The following PTCHD4 variants were observed in gnomAD, a reference collection of about 807,000 sequenced individuals.
PTCHD4 encodes the protein patched domain-containing protein 4.
PTCHD4 carries 33 observed loss-of-function variants against 58.1 expected under a neutral mutation model. That is an observed-to-expected ratio of 0.57 (90% CI 0.43 to 0.76). PTCHD4 has a LOEUF of 0.76. Ranked by LOEUF, PTCHD4 falls within the 30% of genes least tolerant of loss-of-function variation. PTCHD4 has a pLI of 0.00. For missense variants in PTCHD4, 1,058 were observed against 1,027.1 expected (o/e 1.03, Z -0.41); for synonymous variants, 478 against 409.6 (o/e 1.17, Z -2.02).
At chr6:47,985,438 A>G (rs896122988) in intron 4 of PTCHD4, among the ~76,000 whole-genome samples, 2 of 152,156 alleles carry the variant, frequency 1.3e-5, no homozygotes, top group Non-Finnish European at 2.9e-5. Flanking sequence ...ATAGACAGCA[A>G]GAAAGTGTAT....
At chr6:47,942,543 C>G (rs895263105) in intron 4 of PTCHD4, among the ~76,000 whole-genome samples, 2 of 152,074 alleles carry the variant, frequency 1.3e-5, no homozygotes, top group Non-Finnish European at 2.9e-5. Context: ...TTGCCAAGGT[C>G]GCCCTGTTAG....
intron 1 of PTCHD4, among the ~76,000 whole-genome samples, chr6:48,105,598 T>A (rs1765700956): frequency 6.6e-6 from 1 of 151,662 alleles, no homozygotes; most frequent in South Asian, 2.1e-4. Context: ...ATAACTAAGA[T>A]CAGAGCAGAA....
At chr6:47,954,916 C>T (rs780683904) in intron 4 of PTCHD4, among the ~76,000 whole-genome samples, 5 of 152,214 alleles carry the variant, frequency 3.3e-5, no homozygotes, top group Admixed American at 6.5e-5. Flanking sequence ...AGCTTGCTCT[C>T]GGACCAGCCA....
intron 4 of PTCHD4, among the ~76,000 whole-genome samples, chr6:47,928,093 G>A (rs187434225): frequency 8.3e-4 from 126 of 152,270 alleles, no homozygotes; most frequent in African/African-American, 2.7e-3. Context: ...CATGTGAGGC[G>A]TGGAGGGATT....
chr6:48,005,061 C>T (rs1338833339), intron 4 of PTCHD4, among the ~76,000 whole-genome samples: 1 of 151,942 alleles, frequency 6.6e-6, no homozygotes, highest in Non-Finnish European at 1.5e-5. Flanking sequence ...ATGAGAACAC[C>T]AGGACAAAGT....
intron 3 of PTCHD4, among the ~76,000 whole-genome samples, chr6:48,010,281 G>C (rs1455749638): frequency 1.3e-5 from 2 of 152,146 alleles, no homozygotes. Context: ...GATATAAAGG[G>C]GTAAAATCAG....
intron 4 of PTCHD4, among the ~76,000 whole-genome samples, chr6:47,969,620 A>G (rs1767425019): frequency 1.3e-5 from 2 of 152,178 alleles, no homozygotes; most frequent in African/African-American, 4.8e-5. Context: ...TCTTTAAAAA[A>G]TGACCCCCCC....
chr6:48,086,379 G>GTA (rs1765264585), intron 1 of PTCHD4, among the ~76,000 whole-genome samples: 1 of 151,984 alleles, frequency 6.6e-6, no homozygotes. Flanking sequence ...ACAGGCAGCA[G>GTA]TCTGAATCTG....
At chr6:48,039,224 C>G (rs1404525842) in intron 3 of PTCHD4, among the ~76,000 whole-genome samples, 1 of 151,944 alleles carries the variant, frequency 6.6e-6, no homozygotes, top group Non-Finnish European at 1.5e-5. Flanking sequence ...AGGAAAGGAA[C>G]CAATAAGGCT....
In PTCHD4 at chr6:48,069,890, A is replaced by G. The variant is rs1764942111; in HGVS notation, c.-933T>C. Among the ~76,000 whole-genome samples the G allele has an allele frequency of 6.6e-6, 1 of 152,152 alleles. No homozygotes were observed. The highest frequency in any genetic ancestry group is 2.1e-4 in the South Asian group (1 of 4,826). On this transcript the variant is annotated 5_prime_UTR_variant, in exon 2 of 5. Coordinates refer to ENST00000339488, the MANE Select transcript of PTCHD4 (RefSeq NM_001384253.1). ...AATTTTCCCCTGTGAGTGGAATTCC[A>G]GAAACAGACACTTCCAGACACACCA...
intron 4 of PTCHD4, among the ~76,000 whole-genome samples, chr6:48,000,285 C>T (rs997221360): frequency 6.6e-6 from 1 of 152,056 alleles, no homozygotes; most frequent in Non-Finnish European, 1.5e-5. Context: ...TCTAGCTGAC[C>T]CTGACCCGCA....
intron 3 of PTCHD4, among the ~76,000 whole-genome samples, chr6:48,009,697 T>C (rs922793283): frequency 6.6e-6 from 1 of 152,242 alleles, no homozygotes. Flanking sequence ...TTACAACTAA[T>C]TTAATGGCAT....
rs1187691091 is a variant in PTCHD4, at chr6:47,938,659, G to A, written c.899-58723C>T. Among the ~76,000 whole-genome samples, 5 of 152,192 alleles carry A rather than the reference G, an allele frequency of 3.3e-5. No homozygotes were observed. The East Asian group carries it at 9.6e-4, about 29-fold the overall frequency. On this transcript the variant is annotated intron_variant, in intron 4 of 4. Coordinates refer to ENST00000339488, the MANE Select transcript of PTCHD4 (RefSeq NM_001384253.1). ...GCATCAGGGAAAATTCAGGTATGTGGTAATGAATTTATAGTGAGAATAGTG... is the reference window on the plus strand; with the variant it reads ...GCATCAGGGAAAATTCAGGTATGTGATAATGAATTTATAGTGAGAATAGTG...
chr6:47,937,095 A>G (rs1766029028), intron 4 of PTCHD4, among the ~76,000 whole-genome samples: 1 of 152,246 alleles, frequency 6.6e-6, no homozygotes, highest in Non-Finnish European at 1.5e-5. Context: ...GAGTCAGATC[A>G]TGTAACCCCT....
intron 4 of PTCHD4, among the ~76,000 whole-genome samples, chr6:47,937,851 GCAA>G (rs1766059863): frequency 6.6e-6 from 1 of 152,092 alleles, no homozygotes; most frequent in Non-Finnish European, 1.5e-5. Flanking sequence ...GACTTGATAG[GCAA>G]GTAAAGAAAA....
At chr6:47,879,963 A>G (rs1381160968) in intron 4 of PTCHD4, 27 bp from the exon 5 acceptor site, 2 of 1,416,950 alleles carry the variant, frequency 1.4e-6, no homozygotes, top group Non-Finnish European at 1.9e-6. Context: ...AGAAAATAAT[A>G]ATTATTTTTA....
Position 47,864,814 on chromosome 6 carries a change from A to G in PTCHD4, c.*13489T>C, listed in dbSNP as rs772645715. ...ATAGGAAAAGTTTTGAATTAGAGAC[A>G]GGCCATCCAATGAATGTGTAACTAT... On this transcript the variant is annotated 3_prime_UTR_variant, in exon 5 of 5. Transcript: ENST00000339488. Among the ~76,000 whole-genome samples, 10 of 152,002 alleles carry G rather than the reference A, an allele frequency of 6.6e-5. No homozygotes were observed. The highest frequency in any genetic ancestry group is 1.5e-4 in the Non-Finnish European group (10 of 67,944).
chr6:47,928,912 G>A (rs1765719229), intron 4 of PTCHD4, among the ~76,000 whole-genome samples: 1 of 152,136 alleles, frequency 6.6e-6, no homozygotes, highest in African/African-American at 2.4e-5. Flanking sequence ...CTTGTGAGGA[G>A]AAGTATTATA....
intron 3 of PTCHD4, among the ~76,000 whole-genome samples, chr6:48,025,463 A>C (rs1763211943): frequency 6.6e-6 from 1 of 152,214 alleles, no homozygotes; most frequent in Non-Finnish European, 1.5e-5. Context: ...TTATTGCAAC[A>C]CAGATTAATT....
Sources: gnomAD v4.1 joint callset for allele counts (sites outside exome capture counted in the v4.1 genomes callset) on GRCh38, gnomAD v4.1.1 for gene constraint, MANE v1.5 for transcripts, NCBI Gene and HGNC (gene_info 2026-07-23, HGNC 2026-07-21) for gene names.